Variants in SOX5 observed in about 807,000 individuals in gnomAD.
SOX5 encodes the protein transcription factor SOX-5.
Under a neutral mutation model 92.0 loss-of-function variants are expected in SOX5, and 9 were observed. The ratio of observed to expected loss-of-function variants is 0.10; its 90% CI spans 0.06 to 0.17. SOX5 has a LOEUF of 0.17. Ranked by LOEUF, SOX5 falls within the 10% of genes least tolerant of loss-of-function variation. The pLI is 1.00. For synonymous variants in SOX5, 344 were observed against 336.3 expected (o/e 1.02, Z -0.25); for missense variants, 642 against 944.5 (o/e 0.68, Z 4.20).
At chr12:23,929,516 T>C (rs960368541) in intron 1 of SOX5, among the ~76,000 whole-genome samples, 2 of 151,814 alleles carry the variant, frequency 1.3e-5, no homozygotes, top group Non-Finnish European at 2.9e-5. Flanking sequence ...CATTTGACAA[T>C]AAGTGTCCAA....
chr12:23,847,912 A>T (rs1659070758), intron 2 of SOX5, among the ~76,000 whole-genome samples: 1 of 151,980 alleles, frequency 6.6e-6, no homozygotes, highest in South Asian at 2.1e-4. Flanking sequence ...AACCTACATA[A>T]ATATACAAAC....
intron 4 of SOX5, among the ~76,000 whole-genome samples, chr12:24,181,542 T>C (rs538366254): frequency 1.3e-5 from 2 of 152,324 alleles, no homozygotes; most frequent in South Asian, 4.1e-4. Flanking sequence ...GCAAGTTATT[T>C]GGACTTCTTG....
chr12:24,169,193 G>A (rs1264398488), intron 4 of SOX5, among the ~76,000 whole-genome samples: 1 of 151,900 alleles, frequency 6.6e-6, no homozygotes, highest in African/African-American at 2.4e-5. Flanking sequence ...AGACATAAAG[G>A]TCACCAACTT....
chr12:24,536,519 T>C (rs891583500), intron 1 of SOX5, among the ~76,000 whole-genome samples: 1 of 152,168 alleles, frequency 6.6e-6, no homozygotes, highest in Non-Finnish European at 1.5e-5. Context: ...CCTATTAAAA[T>C]AATGAATTCC....
intron 1 of SOX5, among the ~76,000 whole-genome samples, chr12:24,509,743 A>G (rs977172170): frequency 1.3e-5 from 2 of 152,230 alleles, no homozygotes; most frequent in Non-Finnish European, 2.9e-5. Flanking sequence ...TTGCTCTTCT[A>G]TATGGCTGTC....
At chr12:24,516,159 C>T (rs1255229606) in intron 1 of SOX5, among the ~76,000 whole-genome samples, 1 of 151,770 alleles carries the variant, frequency 6.6e-6, no homozygotes, top group African/African-American at 2.4e-5. Context: ...CCTCCCACCT[C>T]AACCTCCCGG....
At chr12:24,265,209 T>C (rs1942831241) in intron 3 of SOX5, among the ~76,000 whole-genome samples, 1 of 152,206 alleles carries the variant, frequency 6.6e-6, no homozygotes, top group Non-Finnish European at 1.5e-5. Flanking sequence ...TAACTTAGAT[T>C]CTAAGTTGAA....
At chr12:24,232,292 T>C (rs1396302289) in intron 3 of SOX5, among the ~76,000 whole-genome samples, 1 of 152,206 alleles carries the variant, frequency 6.6e-6, no homozygotes, top group African/African-American at 2.4e-5. Context: ...CTTTCAGAGC[T>C]TCTGAAATAT....
At chr12:24,042,878 C>T (rs1462874912) in intron 4 of SOX5, among the ~76,000 whole-genome samples, 2 of 152,274 alleles carry the variant, frequency 1.3e-5, no homozygotes, top group African/African-American at 2.4e-5. Flanking sequence ...TTCCTTATTT[C>T]TCAATGATTT....
chr12:24,454,000 G>A (rs933344487), intron 1 of SOX5, among the ~76,000 whole-genome samples: 2 of 152,094 alleles, frequency 1.3e-5, no homozygotes, highest in Non-Finnish European at 1.5e-5. Context: ...TAAAACCATA[G>A]GGTAGTCAAA....
At chr12:24,041,172 T>C (rs1263935668) in intron 4 of SOX5, among the ~76,000 whole-genome samples, 2 of 152,208 alleles carry the variant, frequency 1.3e-5, no homozygotes. Flanking sequence ...AATACCAGTT[T>C]TGATTGTCCC....
chr12:23,614,802 TTTTC>T (rs1354063845), intron 8 of SOX5, among the ~76,000 whole-genome samples: 2 of 152,194 alleles, frequency 1.3e-5, no homozygotes, highest in Admixed American at 6.5e-5. Flanking sequence ...TTTCTCTATA[TTTTC>T]TTTCTTTTTT....
At chr12:24,050,780 A>G (rs1015681008) in intron 4 of SOX5, among the ~76,000 whole-genome samples, 2 of 152,216 alleles carry the variant, frequency 1.3e-5, no homozygotes, top group African/African-American at 4.8e-5. Context: ...GGTAAGAAAT[A>G]TAAGAAATAT....
At chr12:24,212,003 T>C (rs1209848610) in intron 4 of SOX5, among the ~76,000 whole-genome samples, 28 of 152,242 alleles carry the variant, frequency 1.8e-4, no homozygotes, top group Admixed American at 1.8e-3. Context: ...TGGGAATGTT[T>C]ATTATCAGAA....
chr12:23,893,820 C>T (rs1340722208), intron 2 of SOX5, among the ~76,000 whole-genome samples: 1 of 152,116 alleles, frequency 6.6e-6, no homozygotes, highest in East Asian at 1.9e-4. Flanking sequence ...CCTAGTTTAA[C>T]CTTTGTAAGA....
chr12:24,129,582 T>C (rs888451392), intron 4 of SOX5, among the ~76,000 whole-genome samples: 3 of 152,018 alleles, frequency 2.0e-5, no homozygotes, highest in Non-Finnish European at 2.9e-5. Flanking sequence ...ACATGGAGGG[T>C]GACCGTCCAT....
chr12:24,039,545 A>T (rs1956333574), intron 4 of SOX5, among the ~76,000 whole-genome samples: 1 of 152,188 alleles, frequency 6.6e-6, no homozygotes, highest in African/African-American at 2.4e-5. Context: ...AACAAATCCA[A>T]CATGATTCAC....
chr12:24,522,937 A>G (rs1188918237), intron 1 of SOX5, among the ~76,000 whole-genome samples: 3 of 152,176 alleles, frequency 2.0e-5, no homozygotes, highest in Non-Finnish European at 2.9e-5. Flanking sequence ...CGTAAGGAAA[A>G]AAAAAGATAT....
intron 1 of SOX5, among the ~76,000 whole-genome samples, chr12:24,550,868 A>G (rs1953086406): frequency 6.6e-6 from 1 of 152,236 alleles, no homozygotes. Context: ...TGAGACACGC[A>G]TTGATGTTAA....
Sources: gnomAD v4.1 joint callset for allele counts (sites outside exome capture counted in the v4.1 genomes callset) on GRCh38, gnomAD v4.1.1 for gene constraint, MANE v1.5 for transcripts, NCBI Gene and HGNC (gene_info 2026-07-23, HGNC 2026-07-21) for gene names.